Variants in CTTNBP2 observed in about 807,000 individuals in gnomAD.
The protein encoded by CTTNBP2 is cortactin binding protein 2.
Under a neutral mutation model 156.9 loss-of-function variants are expected in CTTNBP2, and 108 were observed. The ratio of observed to expected loss-of-function variants is 0.69; its 90% CI spans 0.59 to 0.81. The LOEUF is 0.81. CTTNBP2 is among the 30% of genes least tolerant of loss of function. The probability of loss-of-function intolerance (pLI) is 0.00; values close to 1 mark genes in which losing one functional copy is unlikely to be tolerated. For synonymous variants in CTTNBP2, 767 were observed against 751.8 expected (o/e 1.02, Z -0.33); for missense variants, 1,924 against 2,035.4 (o/e 0.95, Z 1.05).
intron 4 of CTTNBP2, among the ~76,000 whole-genome samples, chr7:117,789,940 A>T (rs1018166323): frequency 5.3e-5 from 8 of 152,204 alleles, no homozygotes; most frequent in African/African-American, 1.9e-4. Context: ...CAAAGACCTT[A>T]ATTTCAAGTT....
intron 2 of CTTNBP2, among the ~76,000 whole-genome samples, chr7:117,858,601 A>G (rs902799562): frequency 1.3e-5 from 2 of 152,196 alleles, no homozygotes; most frequent in African/African-American, 4.8e-5. Context: ...TTTTGGAAAC[A>G]GATGAGCATT....
At chr7:117,756,670 C>A (rs967286479) in intron 11 of CTTNBP2, 36 bp from the exon 12 acceptor site, 1 of 1,310,882 alleles carries the variant, frequency 7.6e-7, no homozygotes, top group Admixed American at 1.7e-5. Flanking sequence ...AATGGGTGTT[C>A]CCTTGTTAAA....
chr7:117,728,403 TGAA>T, intron 16 of CTTNBP2, 136 bp from the exon 17 acceptor site: 1 of 656,480 alleles, frequency 1.5e-6, no homozygotes, highest in Non-Finnish European at 2.6e-6. Context: ...TTGGGATGGC[TGAA>T]GGAGGGATAA....
In CTTNBP2 at chr7:117,760,507, C is replaced by A; in HGVS notation, c.3100G>T (p.Asp1034Tyr). The A allele has an allele frequency of 6.2e-7, 1 of 1,614,152 alleles. No individual in the cohort carries two copies. ...TCAGTGGTGTTATTGCAAGTCACGT[C>A]TTCCAGACTCCACCATCCATCAGAA... is the stretch of plus-strand genomic sequence containing the variant. ...ISSDGWWSLE[D>Y]VTCNNTTDSN... The change falls in exon 10 of 23, where the codon GAC (aspartate) becomes TAC (tyrosine). Residue 1034 changes from aspartate (D) to tyrosine (Y), a missense_variant. Transcript: ENST00000160373.
Position 117,755,698 on chromosome 7 carries a change from A to G in CTTNBP2, c.3348+857T>C, listed in dbSNP as rs1280038463. 3 of 343,796 alleles carry G rather than the reference A, an allele frequency of 8.7e-6. No individual in the cohort carries two copies. In the East Asian group the frequency reaches 2.8e-4, roughly 32 times the overall value. The allele number at this position is 343,796 out of a possible 1,614,324, so 21.3% of individuals were successfully genotyped here. On this transcript the variant is annotated intron_variant, in intron 12 of 22. Transcript: ENST00000160373. The stretch of plus-strand genomic sequence containing the variant: ...TTAATGAATGCAAAGCATTACATTT[A>G]TCCATTTTACATTTATAATTTGCTA...
intron 19 of CTTNBP2, among the ~76,000 whole-genome samples, chr7:117,721,422 T>C (rs1205631877): frequency 6.6e-6 from 1 of 152,234 alleles, no homozygotes; most frequent in Non-Finnish European, 1.5e-5. Flanking sequence ...CTTTTATGGA[T>C]GGCCGTTCTT....
chr7:117,811,543 T>A (rs1299717424), intron 2 of CTTNBP2, among the ~76,000 whole-genome samples: 4 of 152,152 alleles, frequency 2.6e-5, no homozygotes, highest in Non-Finnish European at 5.9e-5. Flanking sequence ...GCTCAAGTAA[T>A]CCCCCAGCCT....
chr7:117,723,145 CTTA>C (rs201156376), intron 19 of CTTNBP2, among the ~76,000 whole-genome samples: 3,364 of 152,106 alleles, frequency 0.022, 73 homozygotes, highest in Non-Finnish European at 0.022. Context: ...AAAACAGTAT[CTTA>C]TTATCAATAT....
Position 117,728,204 on chromosome 7 carries a change from C to A in CTTNBP2, c.3940G>T (p.Val1314Phe), listed in dbSNP as rs376821321. The A allele has an allele frequency of 6.2e-7, 1 of 1,614,030 alleles. No individual in the cohort carries two copies. Among genetic ancestry groups the A allele is most frequent in the Non-Finnish European group, 8.5e-7 (1 of 1,179,992 alleles). The change falls in exon 17 of 23, where the codon GTC becomes TTC. Residue 1314 changes from valine to phenylalanine, a missense_variant. Physicochemically the swap from Val to Phe is conservative, Grantham distance 50. Coordinates refer to ENST00000160373, the MANE Select transcript of CTTNBP2 (RefSeq NM_033427.3). ...VCKIVDWALS[V>F]WRQLNSCLAR... ...AGGCAGGAGTTAAGCTGACGCCAGA[C>A]GGACAGAGCCCAGTCGACAATCTTG...
intron 9 of CTTNBP2, among the ~76,000 whole-genome samples, chr7:117,766,010 T>C (rs1584965869): frequency 2.0e-5 from 3 of 152,332 alleles, no homozygotes; most frequent in Non-Finnish European, 1.5e-5. Flanking sequence ...TAAGATACCA[T>C]AGCTATATAT....
intron 10 of CTTNBP2, among the ~76,000 whole-genome samples, chr7:117,758,612 T>C (rs1415654610): frequency 2.0e-5 from 3 of 152,120 alleles, no homozygotes; most frequent in Non-Finnish European, 4.4e-5. Context: ...GCCTCCAATA[T>C]ACATGCACAC....
chr7:117,855,135 A>T (rs1285717537), intron 2 of CTTNBP2, among the ~76,000 whole-genome samples: 1 of 152,148 alleles, frequency 6.6e-6, no homozygotes, highest in African/African-American at 2.4e-5. Flanking sequence ...GTCCCAAGGC[A>T]AGGGCTCGCT....
At chr7:117,768,140 T>C (rs754149338) in intron 8 of CTTNBP2, among the ~76,000 whole-genome samples, 1 of 152,074 alleles carries the variant, frequency 6.6e-6, no homozygotes, top group Admixed American at 6.6e-5. Flanking sequence ...TGGGGCTGTC[T>C]TGCAGTTCTA....
At chr7:117,854,436 T>C (rs2117209174) in intron 2 of CTTNBP2, among the ~76,000 whole-genome samples, 1 of 152,338 alleles carries the variant, frequency 6.6e-6, no homozygotes, top group East Asian at 1.9e-4. Flanking sequence ...CTCTGTAGCA[T>C]ACTCTGCGGC....
At chr7:117,724,950 T>C (rs1584899202) in intron 18 of CTTNBP2, 102 bp downstream of exon 18, 2 of 1,181,014 alleles carry the variant, frequency 1.7e-6, no homozygotes, top group Admixed American at 2.0e-5. Context: ...ATAAGATGTA[T>C]ATTTTTCTAA....
intron 17 of CTTNBP2, among the ~76,000 whole-genome samples, chr7:117,725,806 GCCTT>G (rs1373391410): frequency 2.0e-5 from 3 of 152,094 alleles, no homozygotes; most frequent in Non-Finnish European, 4.4e-5. Flanking sequence ...TCGTGCCTCT[GCCTT>G]CCAAGTAGCT....
chr7:117,845,048 G>A (rs1802503396), intron 2 of CTTNBP2, among the ~76,000 whole-genome samples: 1 of 152,140 alleles, frequency 6.6e-6, no homozygotes, highest in African/African-American at 2.4e-5. Flanking sequence ...TTTAAAGTGA[G>A]GGCAGTCAGC....
Position 117,718,095 on chromosome 7 carries a change from T to TTAAATCATCCCTGGAATCAGCAATC in CTTNBP2, c.4645-1_4668dup (p.Arg1557AspfsTer3). 1.2e-6 allele frequency: 2 copies of TTAAATCATCCCTGGAATCAGCAATC among 1,612,462 alleles called. No homozygotes were observed. Among genetic ancestry groups the TTAAATCATCCCTGGAATCAGCAATC allele is most frequent in the Non-Finnish European group, 1.7e-6 (2 of 1,178,766 alleles). On this transcript the variant is annotated stop_gained and frameshift_variant, in exon 22 of 23. Transcript: ENST00000160373. LOFTEE classifies it high-confidence loss of function. ...TTGTTTCCAGAACTATCAAACATCCTTAAATCATCCCTGGAATCAGCAATC... is the reference window on the plus strand; with the variant it reads ...TTGTTTCCAGAACTATCAAACATCCTTAAATCATCCCTGGAATCAGCAATCTAAATCATCCCTGGAATCAGCAATC...
At chr7:117,815,449 G>A (rs1312335531) in intron 2 of CTTNBP2, among the ~76,000 whole-genome samples, 1 of 152,114 alleles carries the variant, frequency 6.6e-6, no homozygotes, top group Non-Finnish European at 1.5e-5. Context: ...GAGAGAAATA[G>A]AAAGTTACTT....
Sources: allele counts gnomAD v4.1 joint callset (sites outside exome capture counted in the v4.1 genomes callset), GRCh38; gene constraint gnomAD v4.1.1; transcripts MANE v1.5; gene names NCBI Gene and HGNC (gene_info 2026-07-23, HGNC 2026-07-21).